Variants in IL1RAPL2 observed in about 807,000 individuals in gnomAD.
The protein encoded by IL1RAPL2 is interleukin 1 receptor accessory protein like 2, also known as X-linked interleukin-1 receptor accessory protein-like 2.
IL1RAPL2 carries 3 observed loss-of-function variants against 44.1 expected under a neutral mutation model. The ratio of observed to expected loss-of-function variants is 0.07; its 90% CI spans 0.03 to 0.18. The LOEUF is 0.18. IL1RAPL2 is among the 10% of genes least tolerant of loss of function. The pLI is 1.00. For missense variants in IL1RAPL2, 391 were observed against 496.4 expected (o/e 0.79, Z 2.02); for synonymous variants, 181 against 178.8 (o/e 1.01, Z -0.10).
chrX:105,506,686 T>G (rs1168413165), intron 6 of IL1RAPL2, among the ~76,000 whole-genome samples: 3 of 111,668 alleles, frequency 2.7e-5, no homozygotes, highest in African/African-American at 9.8e-5. Context: ...TGGCAATTTT[T>G]GGAAACAATA....
At chrX:104,655,946 T>C (rs1930247663) in intron 1 of IL1RAPL2, among the ~76,000 whole-genome samples, 1 of 112,054 alleles carries the variant, frequency 8.9e-6, no homozygotes, top group African/African-American at 3.2e-5. Flanking sequence ...CTAGATTTTC[T>C]AGTTAATTTG....
At chrX:105,519,358 C>T (rs774122596) in intron 6 of IL1RAPL2, among the ~76,000 whole-genome samples, 2 of 111,715 alleles carry the variant, frequency 1.8e-5, no homozygotes, top group Non-Finnish European at 3.8e-5. Context: ...GCTTCACCAC[C>T]TCCTCGAAGC....
intron 5 of IL1RAPL2, among the ~76,000 whole-genome samples, chrX:105,358,792 C>T (rs936693491): frequency 1.8e-5 from 2 of 111,076 alleles, no homozygotes; most frequent in Admixed American, 9.6e-5. Context: ...GAATCTTCAT[C>T]GAATAACTAT....
At chrX:105,497,347 A>G (rs1273556513) in intron 6 of IL1RAPL2, among the ~76,000 whole-genome samples, 1 of 111,418 alleles carries the variant, frequency 9.0e-6, no homozygotes, top group East Asian at 2.8e-4. Context: ...AAAGATGTAG[A>G]AAACTTGAAC....
intron 2 of IL1RAPL2, among the ~76,000 whole-genome samples, chrX:104,775,105 A>G (rs1012193690): frequency 3.6e-5 from 4 of 112,546 alleles, no homozygotes; most frequent in Non-Finnish European, 7.5e-5. Flanking sequence ...ATTCTAAATT[A>G]AGCATAAAAG....
chrX:105,153,497 A>T (rs1167138752), intron 2 of IL1RAPL2, among the ~76,000 whole-genome samples: 1 of 111,927 alleles, frequency 8.9e-6, no homozygotes, highest in African/African-American at 3.3e-5. Context: ...ACAGATTTTA[A>T]TCAATTTAAA....
intron 2 of IL1RAPL2, among the ~76,000 whole-genome samples, chrX:104,903,486 T>C: frequency 8.9e-6 from 1 of 111,816 alleles, no homozygotes; most frequent in East Asian, 2.8e-4. Flanking sequence ...TTGGGAGCTG[T>C]TTGAGCTGGC....
At chrX:104,611,695 G>C (rs969711253) in intron 1 of IL1RAPL2, among the ~76,000 whole-genome samples, 4 of 109,669 alleles carry the variant, frequency 3.6e-5, no homozygotes, top group African/African-American at 1.3e-4. Flanking sequence ...AAATTAGCCA[G>C]GCATGATGGC....
At chrX:105,506,191 T>C (rs2036429767) in intron 6 of IL1RAPL2, among the ~76,000 whole-genome samples, 1 of 111,403 alleles carries the variant, frequency 9.0e-6, no homozygotes, top group African/African-American at 3.3e-5. Context: ...CTAAAGTGGT[T>C]ATTTCAGTTA....
intron 2 of IL1RAPL2, among the ~76,000 whole-genome samples, chrX:105,050,934 T>G (rs762030784): frequency 5.4e-4 from 61 of 112,582 alleles, no homozygotes; most frequent in African/African-American, 2.0e-3. Flanking sequence ...TCCAGTTGTC[T>G]GTCCCTCCTC....
intron 2 of IL1RAPL2, among the ~76,000 whole-genome samples, chrX:104,731,143 G>A (rs1450411139): frequency 1.0e-4 from 11 of 110,515 alleles, no homozygotes; most frequent in Non-Finnish European, 1.9e-4. Flanking sequence ...AGTAGGTTGC[G>A]AAAATTTTCT....
chrX:105,276,676 C>T (rs1384067252), intron 5 of IL1RAPL2, among the ~76,000 whole-genome samples: 2 of 112,201 alleles, frequency 1.8e-5, no homozygotes, highest in East Asian at 5.6e-4. Flanking sequence ...CCAAATAAAA[C>T]AGCCTGTATG....
chrX:105,011,719 G>C (rs1179299484), intron 2 of IL1RAPL2, among the ~76,000 whole-genome samples: 2 of 111,053 alleles, frequency 1.8e-5, no homozygotes. Flanking sequence ...TAGTTGATGG[G>C]CATGTGGGTT....
chrX:104,720,980 T>C (rs75216704), intron 2 of IL1RAPL2, among the ~76,000 whole-genome samples: 8 of 111,240 alleles, frequency 7.2e-5, no homozygotes, highest in African/African-American at 2.6e-4. Context: ...CACGATGAGA[T>C]ACCATCTCAT....
chrX:105,726,848 ACTTT>A (rs1054368570), intron 7 of IL1RAPL2, among the ~76,000 whole-genome samples: 2 of 110,518 alleles, frequency 1.8e-5, no homozygotes, highest in Admixed American at 9.7e-5. Flanking sequence ...ACATTACAAA[ACTTT>A]CTTCCTTCCT....
At chrX:104,574,363 T>C (rs1928205228) in intron 1 of IL1RAPL2, among the ~76,000 whole-genome samples, 2 of 111,459 alleles carry the variant, frequency 1.8e-5, no homozygotes, top group Admixed American at 9.5e-5. Flanking sequence ...ACTTTGCAAA[T>C]AAAAACTAAT....
At chrX:105,724,744 C>T (rs2038336430) in intron 7 of IL1RAPL2, among the ~76,000 whole-genome samples, 1 of 112,272 alleles carries the variant, frequency 8.9e-6, no homozygotes, top group South Asian at 3.6e-4. Context: ...AATCTGCTCT[C>T]TGCCAAGCTC....
chrX:105,558,906 T>C (rs185365690), intron 6 of IL1RAPL2, among the ~76,000 whole-genome samples: 337 of 111,748 alleles, frequency 3.0e-3, no homozygotes, highest in Non-Finnish European at 2.9e-3. Context: ...ATTAAATCTG[T>C]TTACCTCAAG....
intron 3 of IL1RAPL2, among the ~76,000 whole-genome samples, chrX:105,199,533 T>A (rs782134240): frequency 9.0e-6 from 1 of 111,440 alleles, no homozygotes; most frequent in East Asian, 2.8e-4. Flanking sequence ...TATTTGCTTT[T>A]AAACAAAGCC....
Sources: allele counts gnomAD v4.1 joint callset (sites outside exome capture counted in the v4.1 genomes callset), GRCh38; gene constraint gnomAD v4.1.1; transcripts MANE v1.5; gene names NCBI Gene and HGNC (gene_info 2026-07-23, HGNC 2026-07-21).